Variants in KMT2C observed in about 807,000 individuals in gnomAD.
The protein encoded by KMT2C is histone-lysine N-methyltransferase 2C.
Under a neutral mutation model 507.9 loss-of-function variants are expected in KMT2C, and 88 were observed. The ratio of observed to expected loss-of-function variants is 0.17; its 90% CI spans 0.15 to 0.21. The LOEUF is 0.21. Ranked by LOEUF, KMT2C falls within the 10% of genes least tolerant of loss-of-function variation. The pLI, the probability that KMT2C is intolerant of heterozygous loss-of-function variation, is 1.00. For missense variants in KMT2C, 4,954 were observed against 5,957.8 expected (o/e 0.83, Z 5.55); for synonymous variants, 2,049 against 2,080.8 (o/e 0.98, Z 0.42).
At chr7:152,346,475 T>C (rs1012780121) in intron 2 of KMT2C, among the ~76,000 whole-genome samples, 1 of 152,176 alleles carries the variant, frequency 6.6e-6, no homozygotes, top group Non-Finnish European at 1.5e-5. Flanking sequence ...AATACACTTC[T>C]AAATAACACA....
chr7:152,249,673 C>CAAAAAAAAAAAAAAAAAAAAAAAAA (rs1183345172), intron 13 of KMT2C, among the ~76,000 whole-genome samples: 1 of 34,516 alleles, frequency 2.9e-5, no homozygotes, highest in East Asian at 1.2e-3. Flanking sequence ...CTCCCCCCTC[C>CAAAAAAAAAAAAAAAAAAAAAAAAA]AAAAAAAAAA....
intron 2 of KMT2C, among the ~76,000 whole-genome samples, chr7:152,347,038 C>G (rs1017148781): frequency 1.3e-5 from 2 of 152,078 alleles, no homozygotes; most frequent in African/African-American, 2.4e-5. Context: ...GCAGGAGAAT[C>G]GCTTGAACCC....
chr7:152,410,504 G>A (rs1170860380), intron 1 of KMT2C, among the ~76,000 whole-genome samples: 3 of 152,102 alleles, frequency 2.0e-5, no homozygotes. Flanking sequence ...CTTGAACCTG[G>A]GAGGTGGAGG....
intron 23 of KMT2C, among the ~76,000 whole-genome samples, chr7:152,211,346 G>A (rs1043699340): frequency 1.3e-5 from 2 of 152,190 alleles, no homozygotes; most frequent in African/African-American, 4.8e-5. Context: ...TTCTCTGTCA[G>A]GGAGCTATGG....
At position 152,425,355 on chromosome 7, in the gene KMT2C, C is replaced by T. The variant is rs2097805644; in HGVS notation, c.161+10271G>A. Among the ~76,000 whole-genome samples, 3 of 152,204 alleles carry T rather than the reference C, an allele frequency of 2.0e-5. 1 individual carries two copies. Among genetic ancestry groups the T allele is most frequent in the Non-Finnish European group, 4.4e-5 (3 of 68,036 alleles). On this transcript the variant is annotated intron_variant, in intron 1 of 58. Coordinates refer to ENST00000262189, the MANE Select transcript of KMT2C (RefSeq NM_170606.3). ...CTTTGGAAGGCCAAGGTGGGTGGAT[C>T]ACCTGAGGTCAGAAGTTCGAGACCA...
At chr7:152,146,547 ACAC>A (rs1267924000) in intron 53 of KMT2C, 49 bp downstream of exon 53, 23 of 1,584,426 alleles carry the variant, frequency 1.5e-5, no homozygotes. Flanking sequence ...TCAAGTGGTC[ACAC>A]TGAATCAGGA....
At position 152,181,361 on chromosome 7, in the gene KMT2C, G is replaced by C. The variant is rs367881455; in HGVS notation, c.6499C>G (p.Arg2167Gly). ...CTATATGGGTCAACAGTAGTAGGCC[G>C]GGGAGTTCCAGGAGGTTGAGAGTAA... ...DPYSQPPGTP[R>G]PTTVDPYSQQ... Residue 2167 changes from arginine to glycine, a missense_variant, in exon 36 of 59, where the codon CGG (arginine) becomes GGG (glycine). Coordinates refer to ENST00000262189, the MANE Select transcript of KMT2C (RefSeq NM_170606.3). The C allele has an allele frequency of 1.9e-6, 3 of 1,613,976 alleles. No homozygotes were observed. Among genetic ancestry groups the C allele is most frequent in the Non-Finnish European group, 2.5e-6 (3 of 1,179,998 alleles).
intron 26 of KMT2C, among the ~76,000 whole-genome samples, chr7:152,201,907 T>C (rs2094155679): frequency 6.6e-6 from 1 of 152,066 alleles, no homozygotes; most frequent in Non-Finnish European, 1.5e-5. Flanking sequence ...AGCTAACTGG[T>C]AGTGGAATGG....
chr7:152,398,649 C>A (rs2097551636), intron 1 of KMT2C, among the ~76,000 whole-genome samples: 3 of 151,996 alleles, frequency 2.0e-5, no homozygotes, highest in Admixed American at 2.0e-4. Flanking sequence ...ATCCTCCTAC[C>A]TCGGCCTTCC....
intron 20 of KMT2C, 115 bp from the exon 21 acceptor site, chr7:152,222,797 C>A (rs992055486): frequency 9.4e-6 from 6 of 636,606 alleles, no homozygotes; most frequent in Non-Finnish European, 1.7e-5. Context: ...GCCTCACATG[C>A]TCCTCCTACC....
chr7:152,369,185 T>C (rs1382419048), intron 1 of KMT2C, among the ~76,000 whole-genome samples: 4 of 151,994 alleles, frequency 2.6e-5, no homozygotes, highest in African/African-American at 9.7e-5. Flanking sequence ...TGGCCGGGCA[T>C]GGTGGCACGT....
At chr7:152,417,470 T>A (rs530190043) in intron 1 of KMT2C, among the ~76,000 whole-genome samples, 9 of 152,100 alleles carry the variant, frequency 5.9e-5, no homozygotes, top group Non-Finnish European at 1.2e-4. Context: ...AATAATCCTG[T>A]GACAAAGATG....
At chr7:152,382,025 C>A (rs2097378664) in intron 1 of KMT2C, among the ~76,000 whole-genome samples, 1 of 152,220 alleles carries the variant, frequency 6.6e-6, no homozygotes, top group Admixed American at 6.5e-5. Context: ...CATATGGTTG[C>A]CCGTAACATA....
chr7:152,208,065 C>G (rs1266237779), intron 23 of KMT2C, among the ~76,000 whole-genome samples: 1 of 152,194 alleles, frequency 6.6e-6, no homozygotes, highest in Non-Finnish European at 1.5e-5. Flanking sequence ...AGTTCCCCAC[C>G]TTAAAGCTTA....
chr7:152,219,350 G>T (rs1455596941), intron 23 of KMT2C, among the ~76,000 whole-genome samples: 1 of 151,966 alleles, frequency 6.6e-6, no homozygotes, highest in Non-Finnish European at 1.5e-5. Flanking sequence ...TAAGAGTTGG[G>T]TTACCTAACA....
chr7:152,269,032 A>G (rs2095910209), intron 7 of KMT2C, among the ~76,000 whole-genome samples: 1 of 152,162 alleles, frequency 6.6e-6, no homozygotes, highest in East Asian at 1.9e-4. Context: ...AATTATTCCC[A>G]ATGTTTCCTT....
intron 1 of KMT2C, among the ~76,000 whole-genome samples, chr7:152,408,545 C>T (rs1589804967): frequency 2.0e-5 from 3 of 152,204 alleles, no homozygotes; most frequent in Admixed American, 1.3e-4. Flanking sequence ...AACCTGAGCT[C>T]GGCCTCCTCT....
Position 152,314,455 on chromosome 7 carries a change from T to C in KMT2C, c.590+683A>G, listed in dbSNP as rs536670669. 3.4e-4 allele frequency among the ~76,000 whole-genome samples: 52 copies of C among 152,206 alleles called. No homozygotes were observed. The South Asian group carries it at 0.01, about 30-fold the overall frequency. On this transcript the variant is annotated intron_variant, in intron 4 of 58. Transcript: ENST00000262189. ...CTTTAAACACAACTGTACAAAATAT[T>C]TTAAACTATATCAGACAAGACCTTT...
In KMT2C at chr7:152,435,780, A is replaced by G. The variant is rs2097912165; in HGVS notation, c.7T>C (p.Ser3Pro). The change falls in exon 1 of 59, where the codon TCG becomes CCG. Residue 3 changes from serine (S) to proline (P), a missense_variant. Ser to Pro is a moderately conservative substitution (Grantham distance 74). Coordinates refer to ENST00000262189, the MANE Select transcript of KMT2C (RefSeq NM_170606.3). MS[S>P]EEDKSVEQPQ... ...TGCTCCACGCTCTTGTCCTCCTCCG[A>G]CGACATCCTAGTCACCAGGAAAGAC... The G allele has an allele frequency of 7.1e-7, 1 of 1,406,468 alleles. No homozygotes were observed. Among genetic ancestry groups the G allele is most frequent in the Non-Finnish European group, 9.3e-7 (1 of 1,072,064 alleles). 87.1% of individuals were successfully genotyped at this position (1,406,468 alleles called of 1,614,324 possible). A position where few individuals can be genotyped will look rare whatever the true frequency, so the allele number is the denominator to read the frequency against.
Sources: gnomAD v4.1 joint callset for allele counts (sites outside exome capture counted in the v4.1 genomes callset) on GRCh38, gnomAD v4.1.1 for gene constraint, MANE v1.5 for transcripts, NCBI Gene and HGNC (gene_info 2026-07-23, HGNC 2026-07-21) for gene names.